ACTL6B: variants seen among roughly 807,000 people sequenced by gnomAD.
ACTL6B encodes actin like 6B, also known as actin-like protein 6B.
Under a neutral mutation model 63.3 loss-of-function variants are expected in ACTL6B, and 48 were observed. The ratio of observed to expected loss-of-function variants is 0.76; its 90% confidence interval spans 0.60 to 0.96. The LOEUF is 0.96. ACTL6B is among the 50% of genes least tolerant of loss of function. The pLI, the probability that ACTL6B is intolerant of heterozygous loss-of-function variation, is 0.00. For synonymous variants in ACTL6B, 230 were observed against 223.8 expected (o/e 1.03, Z -0.25); for missense variants, 350 against 572.2 (o/e 0.61, Z 3.96).
chr7:100,649,855 C>T, intron 5 of ACTL6B, 183 bp downstream of exon 5: 2 of 568,070 alleles, frequency 3.5e-6, no homozygotes, highest in Non-Finnish European at 6.3e-6. Flanking sequence ...TCTGGCCACC[C>T]CAGAGTCGGA....
rs74890254 is a variant in ACTL6B at position 100,648,637 on chromosome 7, C to G, written c.588G>C (p.Gly196=). 2.1e-4 allele frequency: 332 copies of G among 1,612,676 alleles called. 3 individuals are homozygous for G. The African/African-American group carries it at 3.6e-3, about 17-fold the overall frequency. The change falls in exon 7 of 14, where the codon GGG becomes GGC. Residue 196 remains glycine, a synonymous_variant. Transcript: ENST00000160382. The surrounding 1 kb of genome is among the most constrained non-coding windows in gnomAD (Gnocchi z 4.4). ...CCCGGCACTGCATGGAGATGAAGTC[C>G]CCTGCCAGAGGGGACTTGACGATGC... ...QQGIVKSPLA[G]DFISMQCREL... is the part of the protein sequence containing the mutation.
At chr7:100,643,392 G>T in intron 13 of ACTL6B, 66 bp from the exon 14 acceptor site, 4 of 1,558,564 alleles carry the variant, frequency 2.6e-6, no homozygotes, top group African/African-American at 1.4e-5. Context: ...GGCAGGTGCA[G>T]CCCCTGGGAA....
intron 4 of ACTL6B, among the ~76,000 whole-genome samples, chr7:100,653,114 T>C (rs1207221741): frequency 2.0e-5 from 3 of 151,126 alleles, no homozygotes; most frequent in Non-Finnish European, 1.5e-5. Flanking sequence ...TCATGGTGTA[T>C]TGCCTGTCTC....
Position 100,655,112 on chromosome 7 carries a change from G to T in ACTL6B, c.276C>A (p.Asp92Glu), listed in dbSNP as rs776195638. Residue 92 changes from aspartate to glutamate, a missense_variant, in exon 4 of 14, where the codon GAC becomes GAA. Around this residue, in one of 3 missense-constraint regions of ACTL6B, gnomAD observed 250 missense variants for 364.7 expected, o/e 0.69. Transcript: ENST00000160382. This position sits in a 1 kb window ranked among gnomAD's most constrained non-coding sequence, Gnocchi z 4.4. The part of the protein sequence containing the change: ...MSPLKNGMIE[D>E]WECFRAILDH... ...CCAGGATGGCTCGGAAGCACTCCCA[G>T]TCCTCGACTGGGGCCAGAAGAGCAG... is the stretch of plus-strand genomic sequence containing the variant. 3 of 1,613,804 alleles carry T rather than the reference G, an allele frequency of 1.9e-6. No homozygotes were observed. In the South Asian group the frequency reaches 3.3e-5, roughly 18 times the overall value.
At position 100,647,630 on chromosome 7, in the gene ACTL6B, T is replaced by A; in HGVS notation, c.670-97A>T. 3 of 904,934 alleles carry A rather than the reference T, an allele frequency of 3.3e-6. No homozygotes were observed. Among genetic ancestry groups the A allele is most frequent in the Non-Finnish European group, 5.1e-6 (3 of 586,002 alleles). 56.1% of individuals were successfully genotyped at this position (904,934 alleles called of 1,614,324 possible). The stretch of plus-strand genomic sequence containing the variant: ...TCCCAGCTCTGCAGCTACCTGGCGC[T>A]GCAGGCTCTGCTGTGCTGCCTGCAA... On this transcript the variant is annotated intron_variant, in intron 7 of 13. Transcript: ENST00000160382. The surrounding 1 kb of genome is among the most constrained non-coding windows in gnomAD (Gnocchi z 4.4).
In ACTL6B at chr7:100,646,148, T is replaced by C; in HGVS notation, c.1200+101A>G. Reference sequence around the variant, plus strand: ...ACATTTCTCAAAACTAAATGTTTGTTGAATGAATGAATGAACGAAGAGGCA... The same window carrying C: ...ACATTTCTCAAAACTAAATGTTTGTCGAATGAATGAATGAACGAAGAGGCA... On this transcript the variant is annotated intron_variant, in intron 13 of 13. Transcript: ENST00000160382. This position sits in a 1 kb window ranked among gnomAD's most constrained non-coding sequence, Gnocchi z 6.1. 1.0e-6 allele frequency: 1 copy of C among 986,110 alleles called. No individual in the cohort carries two copies. The highest frequency in any genetic ancestry group is 1.6e-6 in the Non-Finnish European group (1 of 631,096). 61.1% of individuals were successfully genotyped at this position (986,110 alleles called of 1,614,324 possible).
Position 100,643,337 on chromosome 7 carries a change from G to C in ACTL6B, c.1201-11C>G, listed in dbSNP as rs199836544. The C allele has an allele frequency of 5.8e-5, 94 of 1,613,288 alleles. 1 individual carries two copies. The East Asian group carries it at 1.9e-3, about 32-fold the overall frequency. ...CTGCTGGAAAGTGCCCTGGGTGGAG[G>C]GGGTAATATCAGGGTCAGGGTGGCC... On this transcript the variant is annotated splice_polypyrimidine_tract_variant and intron_variant, in intron 13 of 13. Coordinates refer to ENST00000160382, the MANE Select transcript of ACTL6B (RefSeq NM_016188.5).
chr7:100,651,321 C>G (rs578189120), intron 4 of ACTL6B, among the ~76,000 whole-genome samples: 2 of 151,990 alleles, frequency 1.3e-5, no homozygotes, highest in African/African-American at 4.8e-5. Flanking sequence ...GAGGCCAAGG[C>G]GGGCAGATCA....
Position 100,649,590 on chromosome 7 carries a change from G to A in ACTL6B, c.467+448C>T, listed in dbSNP as rs576405685. ...TGGGATTACAGGCGTGAGCCACCGC[G>A]CCTGGCCAGCCCCTTTATTTTTGGT... On this transcript the variant is annotated intron_variant, in intron 5 of 13. Coordinates refer to ENST00000160382, the MANE Select transcript of ACTL6B (RefSeq NM_016188.5). Among the ~76,000 whole-genome samples, 31 of 152,290 alleles carry A rather than the reference G, an allele frequency of 2.0e-4. No homozygotes were observed. The South Asian group carries it at 5.6e-3, about 27-fold the overall frequency.
In ACTL6B at chr7:100,655,184, A is replaced by C; in HGVS notation, c.269-65T>G. ...AGGCAGGGGACAGGGACAGGAAGAA[A>C]AGGAGGGAGAAAGGCCAAGCCCAAA... On this transcript the variant is annotated intron_variant, in intron 3 of 13. Transcript: ENST00000160382. This position sits in a 1 kb window ranked among gnomAD's most constrained non-coding sequence, Gnocchi z 4.4. 1.4e-6 allele frequency: 2 copies of C among 1,441,390 alleles called. No individual in the cohort carries two copies. The highest frequency in any genetic ancestry group is 1.9e-6 in the Non-Finnish European group (2 of 1,029,836). 89.3% of individuals were successfully genotyped at this position (1,441,390 alleles called of 1,614,324 possible).
In ACTL6B at chr7:100,646,346, A is replaced by T. The variant is rs375877018; in HGVS notation, c.1114-11T>A. The T allele has an allele frequency of 1.9e-5, 30 of 1,613,208 alleles. No individual in the cohort carries two copies. The highest frequency in any genetic ancestry group is 2.5e-5 in the Non-Finnish European group (29 of 1,179,688). On this transcript the variant is annotated splice_polypyrimidine_tract_variant and intron_variant, in intron 12 of 13. Transcript: ENST00000160382. This position sits in a 1 kb window ranked among gnomAD's most constrained non-coding sequence, Gnocchi z 6.1. ...TTTCAGTCGCATGCTCTGGGGGTAA[A>T]AAGGGGCTGGGGGAAGCAGACACCT...
intron 4 of ACTL6B, among the ~76,000 whole-genome samples, chr7:100,654,454 AT>A (rs1254530856): frequency 1.4e-5 from 2 of 147,864 alleles, no homozygotes; most frequent in Non-Finnish European, 3.0e-5. Context: ...AATAATAATA[AT>A]AATAATAATA....
At chr7:100,645,710 C>T (rs1803808289) in intron 13 of ACTL6B, among the ~76,000 whole-genome samples, 1 of 151,874 alleles carries the variant, frequency 6.6e-6, no homozygotes, top group African/African-American at 2.4e-5. Flanking sequence ...CAGCTCACTG[C>T]AGTCTCCGTC....
At position 100,655,165 on chromosome 7, in the gene ACTL6B, G is replaced by A. The variant is rs1161991009; in HGVS notation, c.269-46C>T. 1.3e-6 allele frequency: 2 copies of A among 1,505,870 alleles called. No individual in the cohort carries two copies. The highest frequency in any genetic ancestry group is 1.8e-6 in the Non-Finnish European group (2 of 1,084,316). 93.3% of individuals were successfully genotyped at this position (1,505,870 alleles called of 1,614,324 possible). The stretch of plus-strand genomic sequence containing the variant: ...TGCAGAGACGCAAGAAGGCAGGCAG[G>A]GGACAGGGACAGGAAGAAAAGGAGG... On this transcript the variant is annotated intron_variant, in intron 3 of 13. Coordinates refer to ENST00000160382, the MANE Select transcript of ACTL6B (RefSeq NM_016188.5). This position sits in a 1 kb window ranked among gnomAD's most constrained non-coding sequence, Gnocchi z 4.4.
At chr7:100,650,189 C>T in intron 4 of ACTL6B, 54 bp from the exon 5 acceptor site, 1 of 1,500,864 alleles carries the variant, frequency 6.7e-7, no homozygotes, top group Admixed American at 1.7e-5. Flanking sequence ...CACAGACCCA[C>T]ATCCACGCAC....
Position 100,656,389 on chromosome 7 carries a change from T to G in ACTL6B, c.-35A>C. ...TGCGCTGCTAGCGGCCCGTGGGCGG[T>G]GGCGGGATCAGCACCGAGGCGGCCG... On this transcript the variant is annotated 5_prime_UTR_variant, in exon 1 of 14. Coordinates refer to ENST00000160382, the MANE Select transcript of ACTL6B (RefSeq NM_016188.5). 7.6e-7 allele frequency: 1 copy of G among 1,310,150 alleles called. No homozygotes were observed. The highest frequency in any genetic ancestry group is 9.7e-7 in the Non-Finnish European group (1 of 1,025,908). The allele number at this position is 1,310,150 out of a possible 1,614,324, so 81.2% of individuals were successfully genotyped here.
intron 13 of ACTL6B, 132 bp from the exon 14 acceptor site, chr7:100,643,458 C>T: frequency 2.6e-6 from 2 of 760,554 alleles, no homozygotes; most frequent in Non-Finnish European, 2.3e-6. Context: ...AGCCCCTCCC[C>T]ACCTCATCCT....
chr7:100,648,626 G>A lies in ACTL6B; in HGVS notation c.599C>T (p.Ser200Phe). ...CTGGAACAGCTCCCGGCACTGCATG[G>A]AGATGAAGTCCCCTGCCAGAGGGGA... ...VKSPLAGDFI[S>F]MQCRELFQEM... The change falls in exon 7 of 14, where the codon TCC (serine) becomes TTC (phenylalanine). Residue 200 changes from serine to phenylalanine, a missense_variant. Ser to Phe is a radical substitution (Grantham distance 155). This residue lies in a region of ACTL6B where 250 missense variants were observed against 364.7 expected (regional missense o/e 0.69). Coordinates refer to ENST00000160382, the MANE Select transcript of ACTL6B (RefSeq NM_016188.5). The surrounding 1 kb of genome is among the most constrained non-coding windows in gnomAD (Gnocchi z 4.4). 2 of 1,613,062 alleles carry A rather than the reference G, an allele frequency of 1.2e-6. No individual in the cohort carries two copies. Among genetic ancestry groups the A allele is most frequent in the Non-Finnish European group, 8.5e-7 (1 of 1,179,402 alleles).
rs1271142463 is a variant in ACTL6B at position 100,655,895 on chromosome 7, G to C, written c.26-16C>G. 6.4e-7 allele frequency: 1 copy of C among 1,556,680 alleles called. No homozygotes were observed. Among genetic ancestry groups the C allele is most frequent in the East Asian group, 2.4e-5 (1 of 41,258 alleles). ...CCCACCTCATCTGTGCGGGGAGACA[G>C]GCCTGTAAGGGGACCTCCCCCGAAC... On this transcript the variant is annotated splice_polypyrimidine_tract_variant and intron_variant, in intron 1 of 13. Coordinates refer to ENST00000160382, the MANE Select transcript of ACTL6B (RefSeq NM_016188.5). The surrounding 1 kb of genome is among the most constrained non-coding windows in gnomAD (Gnocchi z 4.4).
Sources: gnomAD v4.1 joint callset for allele counts (sites outside exome capture counted in the v4.1 genomes callset) on GRCh38, gnomAD v4.1.1 for gene constraint, gnomAD v4.1.1 regional missense constraint, Gnocchi (gnomAD v3.1) non-coding constraint, MANE v1.5 for transcripts, NCBI Gene and HGNC (gene_info 2026-07-23, HGNC 2026-07-21) for gene names.